NLGN4Y: variants seen among roughly 807,000 people sequenced by gnomAD.
NLGN4Y encodes the protein neuroligin-4, Y-linked.
In NLGN4Y, 4 loss-of-function variants were observed where a neutral mutation model predicts 8.4. The ratio of observed to expected loss-of-function variants is 0.48; its 90% CI spans 0.23 to 1.09. The LOEUF is 1.09. Ranked by LOEUF, NLGN4Y falls within the 50% of genes least tolerant of loss-of-function variation. The probability of loss-of-function intolerance (pLI) is 0.19; values close to 1 mark genes in which losing one functional copy is unlikely to be tolerated. For synonymous variants in NLGN4Y, 35 were observed against 75.6 expected, an observed-to-expected ratio of 0.46 and a Z score of 2.78; for missense variants, 90 against 192.3, an observed-to-expected ratio of 0.47 and a Z score of 3.15.
intron 2 of NLGN4Y, among the ~76,000 whole-genome samples, chrY:14,667,421 A>C (rs755755071): frequency 5.2e-3 from 173 of 32,977 alleles, no homozygotes; most frequent in Middle Eastern, 0.014. Flanking sequence ...ACACACCCCC[A>C]CACACACAGA....
At chrY:14,800,040 A>C in intron 4 of NLGN4Y, among the ~76,000 whole-genome samples, 2 of 33,265 alleles carry the variant, frequency 6.0e-5, no homozygotes, top group Non-Finnish European at 7.4e-5. Context: ...CCAGCCCATC[A>C]CTATGTAGAT....
intron 1 of NLGN4Y, among the ~76,000 whole-genome samples, chrY:14,562,543 T>C (rs2080233694): frequency 3.0e-5 from 1 of 33,675 alleles, no homozygotes; most frequent in Non-Finnish European, 7.4e-5. Context: ...GCCCCTTTTT[T>C]GGTTCCATAT....
In NLGN4Y at chrY:14,841,066, T is replaced by G; in HGVS notation, c.2315T>G (p.Leu772Arg). 1 of 398,708 alleles carries G rather than the reference T, an allele frequency of 2.5e-6. No homozygotes were observed. Among genetic ancestry groups the G allele is most frequent in the Non-Finnish European group, 3.5e-6 (1 of 283,619 alleles). ...GAGTCGCTGCAGGCACACGACACGC[T>G]GAGGCTCACCTGCCCTCCAGACTAC... ...ECESLQAHDTLRLTCPPDYTL... is the reference protein window; with the variant it reads ...ECESLQAHDTRRLTCPPDYTL... Residue 772 changes from leucine to arginine, a missense_variant, in exon 7 of 7, where the codon CTG becomes CGG. Physicochemically the swap from Leu to Arg is moderately radical, Grantham distance 102. This residue lies in a region of NLGN4Y where 37 missense variants were observed against 94.0 expected (regional missense o/e 0.39). Coordinates refer to ENST00000684976, the MANE Select transcript of NLGN4Y (RefSeq NM_001365588.1).
At position 14,622,264 on chromosome Y, in the gene NLGN4Y, A is replaced by G; in HGVS notation, c.145A>G (p.Asn49Asp). The change falls in exon 2 of 7, where the codon AAC (asparagine) becomes GAC (aspartate). Residue 49 changes from asparagine to aspartate, a missense_variant. Asn to Asp is a conservative substitution (Grantham distance 23, BLOSUM62 1). This residue lies in a region of NLGN4Y where 37 missense variants were observed against 38.5 expected (regional missense o/e 0.96). Transcript: ENST00000684976. ...IDSQAQYPVV[N>D]TNYGKIQGLR... Reference sequence around the variant, plus strand: ...CAGCCAAGCACAGTATCCAGTTGTCAACACAAATTATGGTAAAATCCAGGG... The same window carrying G: ...CAGCCAAGCACAGTATCCAGTTGTCGACACAAATTATGGTAAAATCCAGGG... 2.5e-6 allele frequency: 1 copy of G among 399,085 alleles called. No homozygotes were observed. The highest frequency in any genetic ancestry group is 3.5e-6 in the Non-Finnish European group (1 of 283,654).
chrY:14,570,932 AT>A (rs2080267016), intron 1 of NLGN4Y, among the ~76,000 whole-genome samples: 1 of 32,397 alleles, frequency 3.1e-5, no homozygotes, highest in Non-Finnish European at 7.5e-5. Context: ...TGAACTCATC[AT>A]TTTTTATGGC....
intron 4 of NLGN4Y, among the ~76,000 whole-genome samples, chrY:14,772,119 C>T (rs747928097): frequency 6.5e-3 from 213 of 32,943 alleles, no homozygotes; most frequent in Admixed American, 0.016. Flanking sequence ...ATCAATGAAT[C>T]CAGGAGCTGA....
At chrY:14,807,904 T>C (rs748018983) in intron 4 of NLGN4Y, among the ~76,000 whole-genome samples, 1 of 33,860 alleles carries the variant, frequency 3.0e-5, no homozygotes, top group African/African-American at 1.1e-4. Context: ...TGACCAGCAG[T>C]CGATTTTACC....
chrY:14,790,405 G>A (rs2150579362), intron 4 of NLGN4Y, among the ~76,000 whole-genome samples: 1 of 33,446 alleles, frequency 3.0e-5, no homozygotes, highest in African/African-American at 1.2e-4. Context: ...TGGAGCTACA[G>A]ATATGTGTGT....
intron 2 of NLGN4Y, among the ~76,000 whole-genome samples, chrY:14,628,618 C>T (rs2080537630): frequency 6.0e-5 from 2 of 33,159 alleles, no homozygotes; most frequent in Admixed American, 2.7e-4. Flanking sequence ...AGGGATTCAT[C>T]TATTAAGCAT....
chrY:14,790,653 A>G (rs2042982133), intron 4 of NLGN4Y, among the ~76,000 whole-genome samples: 1 of 33,665 alleles, frequency 3.0e-5, no homozygotes, highest in Non-Finnish European at 7.4e-5. Flanking sequence ...CCTTCTCTAT[A>G]TAGGTGGAAC....
At chrY:14,753,200 G>A (rs1603503546) in intron 4 of NLGN4Y, among the ~76,000 whole-genome samples, 2 of 30,612 alleles carry the variant, frequency 6.5e-5, no homozygotes, top group East Asian at 8.2e-4. Flanking sequence ...GTGCAATGGC[G>A]TGATCTCAGC....
chrY:14,695,130 G>T, intron 2 of NLGN4Y, among the ~76,000 whole-genome samples: 1 of 33,547 alleles, frequency 3.0e-5, no homozygotes, highest in Non-Finnish European at 7.4e-5. Flanking sequence ...ACCACAGAAA[G>T]GTTTACAAAA....
At chrY:14,826,992 C>T in intron 5 of NLGN4Y, among the ~76,000 whole-genome samples, 1 of 33,848 alleles carries the variant, frequency 3.0e-5, no homozygotes, top group African/African-American at 1.2e-4. Flanking sequence ...ACCATCTGAA[C>T]AAGTTTCTAG....
chrY:14,715,562 C>T, intron 2 of NLGN4Y, among the ~76,000 whole-genome samples: 2 of 32,564 alleles, frequency 6.1e-5, no homozygotes, highest in African/African-American at 1.2e-4. Flanking sequence ...CATGTTTTCA[C>T]TCATAAGTGG....
At chrY:14,573,437 G>A (rs2080282920) in intron 1 of NLGN4Y, among the ~76,000 whole-genome samples, 2 of 32,977 alleles carry the variant, frequency 6.1e-5, no homozygotes, top group Admixed American at 5.6e-4. Flanking sequence ...GGGATCGGTG[G>A]TGATATCCCC....
intron 1 of NLGN4Y, among the ~76,000 whole-genome samples, chrY:14,532,498 T>A: frequency 3.0e-5 from 1 of 33,288 alleles, no homozygotes; most frequent in Non-Finnish European, 7.4e-5. Context: ...CTAGCTCTTA[T>A]ATAGAGCAGG....
chrY:14,539,321 T>A, intron 1 of NLGN4Y, among the ~76,000 whole-genome samples: 3 of 33,091 alleles, frequency 9.1e-5, no homozygotes, highest in Admixed American at 2.8e-4. Flanking sequence ...GGCACATGGA[T>A]GTTTTGGATA....
chrY:14,773,405 T>C, intron 4 of NLGN4Y, among the ~76,000 whole-genome samples: 3 of 32,727 alleles, frequency 9.2e-5, no homozygotes, highest in Non-Finnish European at 2.2e-4. Context: ...AAACCACTGC[T>C]CAAGGGAACA....
At chrY:14,717,611 C>A (rs897836814) in intron 2 of NLGN4Y, among the ~76,000 whole-genome samples, 8 of 33,025 alleles carry the variant, frequency 2.4e-4, no homozygotes, top group African/African-American at 9.5e-4. Flanking sequence ...CAATTTTACA[C>A]CCATTAGTAT....
Sources: allele counts gnomAD v4.1 joint callset (sites outside exome capture counted in the v4.1 genomes callset), GRCh38; gene constraint gnomAD v4.1.1; regional missense constraint gnomAD v4.1.1; transcripts MANE v1.5; gene names NCBI Gene and HGNC (gene_info 2026-07-23, HGNC 2026-07-21).